Variants in CNTN5 observed in about 807,000 individuals in gnomAD.
CNTN5 encodes contactin-5.
Under a neutral mutation model 129.1 loss-of-function variants are expected in CNTN5, and 77 were observed. That is an observed-to-expected ratio of 0.60 (90% CI 0.50 to 0.72). The LOEUF (loss-of-function observed/expected upper bound fraction) is 0.72. Among genes scored for constraint, CNTN5 ranks in the 30% least tolerant of loss-of-function variants. The pLI is 0.00. For missense variants in CNTN5, 1,478 were observed against 1,328.8 expected, an observed-to-expected ratio of 1.11 and a Z score of -1.75; for synonymous variants, 509 against 465.6, an observed-to-expected ratio of 1.09 and a Z score of -1.20.
intron 7 of CNTN5, among the ~76,000 whole-genome samples, chr11:99,920,306 G>T (rs1423178267): frequency 1.3e-5 from 2 of 151,926 alleles, no homozygotes; most frequent in African/African-American, 4.8e-5. Context: ...AGTCCCCCAA[G>T]TGTCAGTACT....
intron 16 of CNTN5, among the ~76,000 whole-genome samples, chr11:100,248,475 G>A (rs936288061): frequency 2.6e-4 from 39 of 152,030 alleles, no homozygotes; most frequent in African/African-American, 8.5e-4. Context: ...GAGTCCAGGA[G>A]GTCAAAGCAA....
intron 2 of CNTN5, among the ~76,000 whole-genome samples, chr11:99,420,392 A>G (rs1331375627): frequency 6.6e-6 from 1 of 152,202 alleles, no homozygotes; most frequent in Non-Finnish European, 1.5e-5. Flanking sequence ...GGGATTTTAG[A>G]AATTTTAGCT....
chr11:99,964,793 C>CT (rs1168213697), intron 8 of CNTN5, among the ~76,000 whole-genome samples: 2 of 151,938 alleles, frequency 1.3e-5, no homozygotes, highest in African/African-American at 2.4e-5. Flanking sequence ...TGGTCCTGGA[C>CT]TTTTTTTTGG....
At chr11:99,847,020 A>G (rs1016777030) in intron 6 of CNTN5, among the ~76,000 whole-genome samples, 1 of 152,244 alleles carries the variant, frequency 6.6e-6, no homozygotes, top group Non-Finnish European at 1.5e-5. Flanking sequence ...AATAACCCTC[A>G]TAATAGCTCC....
chr11:99,728,831 T>C (rs1408195175), intron 3 of CNTN5, among the ~76,000 whole-genome samples: 1 of 151,804 alleles, frequency 6.6e-6, no homozygotes, highest in Admixed American at 6.6e-5. Flanking sequence ...TTCCAGCAGG[T>C]GAGAAAGGAA....
chr11:99,426,241 T>G (rs1943114212), intron 2 of CNTN5, among the ~76,000 whole-genome samples: 1 of 152,214 alleles, frequency 6.6e-6, no homozygotes, highest in Non-Finnish European at 1.5e-5. Context: ...ATTTGGTTTT[T>G]GCCAGTTTGC....
chr11:99,782,005 G>T (rs914212173), intron 3 of CNTN5, among the ~76,000 whole-genome samples: 1 of 150,660 alleles, frequency 6.6e-6, no homozygotes, highest in South Asian at 2.1e-4. Context: ...GGAAATAAAA[G>T]GTATTCAATT....
intron 16 of CNTN5, among the ~76,000 whole-genome samples, chr11:100,227,476 G>T (rs1949402641): frequency 6.6e-6 from 1 of 152,034 alleles, no homozygotes; most frequent in Non-Finnish European, 1.5e-5. Flanking sequence ...CTGCTCGTTT[G>T]CACTTTCTCC....
chr11:99,688,946 T>C (rs1013451949), intron 3 of CNTN5, among the ~76,000 whole-genome samples: 2 of 152,192 alleles, frequency 1.3e-5, no homozygotes, highest in African/African-American at 4.8e-5. Context: ...CTCATTCCTT[T>C]TTATGGCTGT....
intron 13 of CNTN5, among the ~76,000 whole-genome samples, chr11:100,112,217 A>C (rs1945678998): frequency 6.6e-6 from 1 of 152,156 alleles, no homozygotes; most frequent in South Asian, 2.1e-4. Context: ...ACATGGACTG[A>C]GGCCATTCCA....
intron 8 of CNTN5, among the ~76,000 whole-genome samples, chr11:99,992,640 T>C (rs1939186974): frequency 6.6e-6 from 1 of 152,222 alleles, no homozygotes; most frequent in African/African-American, 2.4e-5. Flanking sequence ...GAAATTTTAA[T>C]AAGTTGTCCA....
intron 1 of CNTN5, among the ~76,000 whole-genome samples, chr11:99,082,668 A>G (rs930163559): frequency 6.6e-6 from 1 of 152,206 alleles, no homozygotes; most frequent in Non-Finnish European, 1.5e-5. Flanking sequence ...TATCTAAGAC[A>G]CAATTCTAAG....
At chr11:99,567,253 C>T (rs1949034897) in intron 3 of CNTN5, among the ~76,000 whole-genome samples, 1 of 152,164 alleles carries the variant, frequency 6.6e-6, no homozygotes, top group Non-Finnish European at 1.5e-5. Context: ...ATTCCTGGAG[C>T]CACAGTGACC....
chr11:99,239,739 TC>T (rs1861446114), intron 1 of CNTN5, among the ~76,000 whole-genome samples: 1 of 151,962 alleles, frequency 6.6e-6, no homozygotes, highest in Non-Finnish European at 1.5e-5. Context: ...ATCGAGACCA[TC>T]CTGGGTAACA....
chr11:99,597,247 G>C (rs1329068661), intron 3 of CNTN5, among the ~76,000 whole-genome samples: 1 of 152,088 alleles, frequency 6.6e-6, no homozygotes, highest in Non-Finnish European at 1.5e-5. Flanking sequence ...GAATGTTCTT[G>C]GTTCTGAAGC....
intron 1 of CNTN5, among the ~76,000 whole-genome samples, chr11:99,241,095 T>C (rs1011952965): frequency 2.6e-5 from 4 of 152,196 alleles, no homozygotes; most frequent in African/African-American, 9.6e-5. Flanking sequence ...AACCTGTCTG[T>C]AGTAGAATTA....
chr11:99,601,117 A>G (rs1251334606), intron 3 of CNTN5, among the ~76,000 whole-genome samples: 1 of 152,186 alleles, frequency 6.6e-6, no homozygotes, highest in Non-Finnish European at 1.5e-5. Flanking sequence ...AAGGTTTTTA[A>G]TAAGTATTTG....
chr11:99,897,030 C>G (rs963746426), intron 6 of CNTN5, among the ~76,000 whole-genome samples: 2 of 152,060 alleles, frequency 1.3e-5, no homozygotes, highest in African/African-American at 2.4e-5. Context: ...TAGCGAGCAT[C>G]TGAACTAGAC....
intron 9 of CNTN5, among the ~76,000 whole-genome samples, chr11:100,041,920 A>G (rs1942400093): frequency 1.3e-5 from 2 of 152,304 alleles, no homozygotes; most frequent in Non-Finnish European, 1.5e-5. Flanking sequence ...GAGTTAATAC[A>G]TAATCACACG....
Sources: allele counts gnomAD v4.1 joint callset (sites outside exome capture counted in the v4.1 genomes callset), GRCh38; gene constraint gnomAD v4.1.1; transcripts MANE v1.5; gene names NCBI Gene and HGNC (gene_info 2026-07-23, HGNC 2026-07-21).